GRID1: variants seen among roughly 807,000 people sequenced by gnomAD.
GRID1 encodes the protein glutamate ionotropic receptor delta type subunit 1.
GRID1 carries 28 observed loss-of-function variants against 98.0 expected under a neutral mutation model. The observed-to-expected ratio is 0.29, with a 90% CI of 0.21 to 0.39. The LOEUF (loss-of-function observed/expected upper bound fraction) is 0.39, where lower values mean the gene tolerates loss of function less well. GRID1 is among the 10% of genes least tolerant of loss of function. The probability of loss-of-function intolerance (pLI) is 1.00; values close to 1 mark genes in which losing one functional copy is unlikely to be tolerated. For synonymous variants in GRID1, 553 were observed against 538.5 expected, an observed-to-expected ratio of 1.03 and a Z score of -0.37; for missense variants, 1,111 against 1,340.5, an observed-to-expected ratio of 0.83 and a Z score of 2.67.
intron 4 of GRID1, among the ~76,000 whole-genome samples, chr10:85,972,437 T>A (rs998569508): frequency 1.3e-5 from 2 of 148,280 alleles, no homozygotes; most frequent in African/African-American, 2.4e-5. Flanking sequence ...TATATTTATA[T>A]AACTATATTA....
chr10:86,271,162 C>T (rs774747631), intron 2 of GRID1, among the ~76,000 whole-genome samples: 13 of 152,202 alleles, frequency 8.5e-5, no homozygotes, highest in Non-Finnish European at 1.9e-4. Context: ...GGAATAGTAT[C>T]TGGTACTCTC....
intron 3 of GRID1, among the ~76,000 whole-genome samples, chr10:86,204,318 C>T (rs1845995337): frequency 6.6e-6 from 1 of 152,206 alleles, no homozygotes; most frequent in African/African-American, 2.4e-5. Context: ...ACCATGCAGG[C>T]TGCAGGGCCA....
intron 4 of GRID1, among the ~76,000 whole-genome samples, chr10:85,930,642 T>TC (rs1040661771): frequency 1.3e-5 from 2 of 152,058 alleles, no homozygotes; most frequent in Non-Finnish European, 2.9e-5. Flanking sequence ...GACTTTATTT[T>TC]TTTTTTCTGA....
At chr10:86,004,206 A>G (rs1392626605) in intron 4 of GRID1, among the ~76,000 whole-genome samples, 1 of 152,242 alleles carries the variant, frequency 6.6e-6, no homozygotes, top group Non-Finnish European at 1.5e-5. Flanking sequence ...GATCTTACTC[A>G]TTCTGTAATC....
rs373549309 is a variant in GRID1, at chr10:86,221,489, C to A, written c.236-14841G>T. On this transcript the variant is annotated intron_variant, in intron 2 of 15. Coordinates refer to ENST00000327946, the MANE Select transcript of GRID1 (RefSeq NM_017551.3). Reference sequence around the variant, plus strand: ...AGCAAAGGCTATCTGGAGAGGAAGCCTTTGTGGGCTGTGGGCTGTGGGAGT... The same window carrying A: ...AGCAAAGGCTATCTGGAGAGGAAGCATTTGTGGGCTGTGGGCTGTGGGAGT... 3.3e-5 allele frequency among the ~76,000 whole-genome samples: 5 copies of A among 152,170 alleles called. No individual in the cohort carries two copies. The East Asian group carries it at 7.7e-4, about 23-fold the overall frequency.
chr10:85,975,228 C>A lies in GRID1; in HGVS notation c.727-58989G>T, dbSNP rs186839193. Among the ~76,000 whole-genome samples the A allele has an allele frequency of 3.3e-5, 5 of 152,346 alleles. No individual in the cohort carries two copies. The East Asian group carries it at 7.7e-4, about 24-fold the overall frequency. On this transcript the variant is annotated intron_variant, in intron 4 of 15. Transcript: ENST00000327946. ...CCCCACATTCAGTTTCTAATCTGCA[C>A]AACCCGAAAAGCCATCTTCCCTTAT...
intron 4 of GRID1, among the ~76,000 whole-genome samples, chr10:85,931,893 G>A (rs999056586): frequency 3.3e-5 from 5 of 152,278 alleles, no homozygotes; most frequent in South Asian, 2.1e-4. Flanking sequence ...TCAGCATTTG[G>A]AGGTATTTTC....
Position 85,729,524 on chromosome 10 carries a change from C to T in GRID1, c.1324G>A (p.Val442Met), listed in dbSNP as rs775790475. ...CCCCATGATCCTACCAAGACAGTCA[C>T]CACTTTAAGAGTCAATCCTTGGAGG... ...SRLQGLTLKV[V>M]TVLEEPFVMV... The change falls in exon 9 of 16, where the codon GTG (valine) becomes ATG (methionine). Residue 442 changes from valine to methionine, a missense_variant. Around this residue, in one of 3 missense-constraint regions of GRID1, gnomAD observed 762 missense variants for 869.1 expected, o/e 0.88. Transcript: ENST00000327946. 1.2e-5 allele frequency: 19 copies of T among 1,602,024 alleles called. No homozygotes were observed. The highest frequency in any genetic ancestry group is 1.6e-5 in the Non-Finnish European group (19 of 1,169,406).
intron 2 of GRID1, among the ~76,000 whole-genome samples, chr10:86,273,223 C>G (rs1450276848): frequency 6.6e-6 from 1 of 150,790 alleles, no homozygotes; most frequent in African/African-American, 2.5e-5. Flanking sequence ...TCATCCATGT[C>G]CCTACAAAGG....
rs1241662826 is a variant in GRID1, at chr10:86,195,245, T to C, written c.520+11119A>G. ...CAGCCAAGCAAAACCCACTTCTACA[T>C]TTGCTGTAAAGGTTGAGCTGGAATT... On this transcript the variant is annotated intron_variant, in intron 3 of 15. Transcript: ENST00000327946. The surrounding 1 kb of genome is among the most constrained non-coding windows in gnomAD (Gnocchi z 4.4). 6.6e-6 allele frequency among the ~76,000 whole-genome samples: 1 copy of C among 152,032 alleles called. No individual in the cohort carries two copies. The highest frequency in any genetic ancestry group is 1.5e-5 in the Non-Finnish European group (1 of 67,956).
Position 86,363,085 on chromosome 10 carries a change from T to C in GRID1, c.235+856A>G, listed in dbSNP as rs73344351. ...GGCCTTAACCAGGAATCTGGAGGCTTGGAGAAGGAACCAGGGTTCCCGAGC... is the reference window on the plus strand; with the variant it reads ...GGCCTTAACCAGGAATCTGGAGGCTCGGAGAAGGAACCAGGGTTCCCGAGC... On this transcript the variant is annotated intron_variant, in intron 2 of 15. Transcript: ENST00000327946. 9.2e-3 allele frequency among the ~76,000 whole-genome samples: 1,406 copies of C among 152,314 alleles called. 15 individuals carry two copies. The highest frequency in any genetic ancestry group is 0.022 in the South Asian group (108 of 4,826).
At chr10:86,263,518 C>A (rs547625433) in intron 2 of GRID1, among the ~76,000 whole-genome samples, 11 of 152,250 alleles carry the variant, frequency 7.2e-5, no homozygotes, top group Non-Finnish European at 1.2e-4. Flanking sequence ...AAGCCGCCCC[C>A]TTCGCCAGCA....
At chr10:85,613,745 C>A (rs1170372037) in intron 14 of GRID1, 98 bp from the exon 15 acceptor site, 1 of 1,381,456 alleles carries the variant, frequency 7.2e-7, no homozygotes, top group African/African-American at 1.4e-5. Flanking sequence ...CCACCACAGA[C>A]AACATTGAGC....
chr10:86,204,759 C>T (rs927611532), intron 3 of GRID1, among the ~76,000 whole-genome samples: 2 of 152,136 alleles, frequency 1.3e-5, no homozygotes, highest in Non-Finnish European at 2.9e-5. Context: ...GCAATGGTGC[C>T]CAGAGAAAGT....
chr10:85,631,518 A>G (rs112969284), intron 13 of GRID1, among the ~76,000 whole-genome samples: 12 of 152,326 alleles, frequency 7.9e-5, no homozygotes, highest in African/African-American at 2.6e-4. Context: ...AAGGTTTCTT[A>G]TATTTTCAAG....
At chr10:86,209,065 A>G (rs1467515035) in intron 2 of GRID1, among the ~76,000 whole-genome samples, 2 of 152,254 alleles carry the variant, frequency 1.3e-5, no homozygotes, top group Admixed American at 1.3e-4. Context: ...AGGTAGGTGA[A>G]AGTGATACAA....
intron 2 of GRID1, among the ~76,000 whole-genome samples, chr10:86,361,654 C>CTATGT (rs1848602271): frequency 6.6e-6 from 1 of 152,206 alleles, no homozygotes; most frequent in Admixed American, 6.5e-5. Context: ...TCACCCATAG[C>CTATGT]TATGTTTTGT....
rs556218605 is a variant in GRID1, at chr10:85,657,862, G to A, written c.1998-10465C>T. Among the ~76,000 whole-genome samples, 9 of 152,268 alleles carry A rather than the reference G, an allele frequency of 5.9e-5. No homozygotes were observed. The South Asian group carries it at 8.3e-4, about 14-fold the overall frequency. ...GGGAGAATTCTCCTGGGATACAGCCGTTTTCTGCTCCCCTGGCTCCTGTGT... is the reference window on the plus strand; with the variant it reads ...GGGAGAATTCTCCTGGGATACAGCCATTTTCTGCTCCCCTGGCTCCTGTGT... On this transcript the variant is annotated intron_variant, in intron 12 of 15. Coordinates refer to ENST00000327946, the MANE Select transcript of GRID1 (RefSeq NM_017551.3).
At chr10:85,872,159 G>C (rs1330258783) in intron 5 of GRID1, among the ~76,000 whole-genome samples, 1 of 151,984 alleles carries the variant, frequency 6.6e-6, no homozygotes, top group Admixed American at 6.6e-5. Flanking sequence ...ACAGGATACA[G>C]AATAAGAGAA....
Sources: gnomAD v4.1 joint callset for allele counts (sites outside exome capture counted in the v4.1 genomes callset) on GRCh38, gnomAD v4.1.1 for gene constraint, gnomAD v4.1.1 regional missense constraint, Gnocchi (gnomAD v3.1) non-coding constraint, MANE v1.5 for transcripts, NCBI Gene and HGNC (gene_info 2026-07-23, HGNC 2026-07-21) for gene names.